Variants in IL1RAPL1 observed in about 807,000 individuals in gnomAD.
The protein encoded by IL1RAPL1 is interleukin 1 receptor accessory protein like 1.
Under a neutral mutation model 48.4 loss-of-function variants are expected in IL1RAPL1, and 3 were observed. That is an observed-to-expected ratio of 0.06 (90% CI 0.03 to 0.16). The LOEUF (loss-of-function observed/expected upper bound fraction) is 0.16, where lower values mean the gene tolerates loss of function less well. IL1RAPL1 is among the 10% of genes least tolerant of loss of function. IL1RAPL1 has a pLI of 1.00. For missense variants in IL1RAPL1, 349 were observed against 530.6 expected, an observed-to-expected ratio of 0.66 and a Z score of 3.36; for synonymous variants, 185 against 187.7, an observed-to-expected ratio of 0.99 and a Z score of 0.12.
rs369820265 is a variant in IL1RAPL1, at chrX:28,804,508, ATC to A, written c.82+15085_82+15086del. On this transcript the variant is annotated intron_variant, in intron 2 of 10. Transcript: ENST00000378993. ...TTCCTTTAGGAGGCTCCAGGGAAGA[ATC>A]TGTTTTCTTGCTGTTCCCAGCTTCT... is the stretch of plus-strand genomic sequence containing the variant. Among the ~76,000 whole-genome samples the A allele has an allele frequency of 4.7e-3, 529 of 111,532 alleles. 5 individuals carry two copies. The highest frequency in any genetic ancestry group is 0.016 in the African/African-American group (486 of 30,748).
intron 3 of IL1RAPL1, among the ~76,000 whole-genome samples, chrX:29,337,381 A>G (rs1012190168): frequency 8.9e-6 from 1 of 111,995 alleles, no homozygotes; most frequent in Non-Finnish European, 1.9e-5. Context: ...GTATACATTT[A>G]CAAGATTACT....
At chrX:29,058,186 C>T (rs1048434013) in intron 2 of IL1RAPL1, among the ~76,000 whole-genome samples, 35 of 110,049 alleles carry the variant, frequency 3.2e-4, no homozygotes, top group East Asian at 2.9e-4. Context: ...CCATCCTGGC[C>T]TACATGGTGA....
intron 1 of IL1RAPL1, among the ~76,000 whole-genome samples, chrX:28,710,339 A>G (rs1305329391): frequency 2.8e-5 from 3 of 107,767 alleles, no homozygotes; most frequent in African/African-American, 1.0e-4. Context: ...GAGATCAGGT[A>G]AATAGGATTG....
At chrX:29,420,745 T>C (rs1325431117) in intron 5 of IL1RAPL1, among the ~76,000 whole-genome samples, 9 of 112,843 alleles carry the variant, frequency 8.0e-5, no homozygotes, top group Non-Finnish European at 1.7e-4. Flanking sequence ...TAGAAATATA[T>C]GCTATTGTAG....
chrX:28,917,753 A>G (rs908003528), intron 2 of IL1RAPL1, among the ~76,000 whole-genome samples: 3 of 112,340 alleles, frequency 2.7e-5, no homozygotes, highest in Non-Finnish European at 5.6e-5. Context: ...GTGTTTTTTA[A>G]AATTGTGGTA....
chrX:29,881,438 T>C (rs1244953239), intron 6 of IL1RAPL1, among the ~76,000 whole-genome samples: 1 of 111,458 alleles, frequency 9.0e-6, no homozygotes, highest in Non-Finnish European at 1.9e-5. Flanking sequence ...CTGATTTCAT[T>C]GCAACATGAC....
intron 2 of IL1RAPL1, among the ~76,000 whole-genome samples, chrX:28,851,700 T>C (rs1921667454): frequency 1.8e-5 from 2 of 111,597 alleles, no homozygotes; most frequent in Non-Finnish European, 3.8e-5. Flanking sequence ...TTATTGTTAT[T>C]AAGTAGAGGT....
At chrX:29,920,765 A>G (rs1215770045) in intron 8 of IL1RAPL1, among the ~76,000 whole-genome samples, 1 of 94,690 alleles carries the variant, frequency 1.1e-5, no homozygotes, top group African/African-American at 4.0e-5. Context: ...ATTGCACTCC[A>G]GCCTGGGTGA....
At chrX:29,044,022 A>G (rs896891531) in intron 2 of IL1RAPL1, among the ~76,000 whole-genome samples, 7 of 112,174 alleles carry the variant, frequency 6.2e-5, no homozygotes, top group African/African-American at 2.3e-4. Flanking sequence ...AAGGCTGTTG[A>G]GACAATTGAA....
At chrX:28,836,373 A>ATATATATATATATATATAT (rs1569183041) in intron 2 of IL1RAPL1, among the ~76,000 whole-genome samples, 20 of 93,994 alleles carry the variant, frequency 2.1e-4, no homozygotes, top group African/African-American at 9.4e-4. Context: ...TGACAGAGAG[A>ATATATATATATATATATAT]GAGAGAGAGA....
At chrX:29,601,709 G>T (rs1395011384) in intron 5 of IL1RAPL1, among the ~76,000 whole-genome samples, 1 of 112,262 alleles carries the variant, frequency 8.9e-6, no homozygotes, top group Non-Finnish European at 1.9e-5. Context: ...TAAAGTAAAA[G>T]AATATAGAAT....
chrX:29,745,097 C>T (rs755611128), intron 6 of IL1RAPL1, among the ~76,000 whole-genome samples: 3 of 111,757 alleles, frequency 2.7e-5, no homozygotes, highest in Admixed American at 1.9e-4. Flanking sequence ...AATCCATTTC[C>T]TTTTAAAAAT....
intron 6 of IL1RAPL1, among the ~76,000 whole-genome samples, chrX:29,821,269 G>A (rs965508949): frequency 1.7e-4 from 19 of 109,899 alleles, no homozygotes; most frequent in African/African-American, 6.0e-4. Context: ...CTAACATGGT[G>A]AAACCCCGTC....
intron 2 of IL1RAPL1, among the ~76,000 whole-genome samples, chrX:29,109,636 A>T (rs560538163): frequency 2.7e-5 from 3 of 110,834 alleles, no homozygotes; most frequent in African/African-American, 9.8e-5. Context: ...ATTAACCTTT[A>T]TGGGGCTGCT....
chrX:29,854,895 GCACACACA>G (rs202098400), intron 6 of IL1RAPL1, among the ~76,000 whole-genome samples: 3 of 105,340 alleles, frequency 2.8e-5, no homozygotes, highest in Non-Finnish European at 5.9e-5. Flanking sequence ...TGACCAAATA[GCACACACA>G]CACACACACA....
chrX:29,804,585 G>C (rs766243141), intron 6 of IL1RAPL1, among the ~76,000 whole-genome samples: 2 of 111,741 alleles, frequency 1.8e-5, no homozygotes, highest in Non-Finnish European at 3.8e-5. Context: ...TGCCCTGTAA[G>C]ACATACCCTT....
intron 1 of IL1RAPL1, among the ~76,000 whole-genome samples, chrX:28,682,508 A>G (rs1027700528): frequency 1.8e-5 from 2 of 110,314 alleles, no homozygotes; most frequent in Non-Finnish European, 3.8e-5. Flanking sequence ...ACAGGGTTTC[A>G]CCATGTTGAC....
rs5985881 is a variant in IL1RAPL1 at position 28,613,491 on chromosome X, A to T, written c.-25+25444A>T. Among the ~76,000 whole-genome samples the T allele has an allele frequency of 7.8e-3, 885 of 113,180 alleles. 8 individuals are homozygous for T. The highest frequency in any genetic ancestry group is 0.024 in the African/African-American group (763 of 31,190). On this transcript the variant is annotated intron_variant, in intron 1 of 10. Coordinates refer to ENST00000378993, the MANE Select transcript of IL1RAPL1 (RefSeq NM_014271.4). The stretch of plus-strand genomic sequence containing the variant: ...GACGGCCTGAGGCCTGGGAAGCTGC[A>T]TTTTAAAAACATCGGTAGAAATTTG...
intron 6 of IL1RAPL1, among the ~76,000 whole-genome samples, chrX:29,682,081 G>T (rs145763274): frequency 3.6e-5 from 4 of 111,497 alleles, no homozygotes; most frequent in African/African-American, 1.3e-4. Flanking sequence ...CAATTATTGC[G>T]TATTAATAAA....
Sources: gnomAD v4.1 joint callset for allele counts (sites outside exome capture counted in the v4.1 genomes callset) on GRCh38, gnomAD v4.1.1 for gene constraint, MANE v1.5 for transcripts, NCBI Gene and HGNC (gene_info 2026-07-23, HGNC 2026-07-21) for gene names.